MRTFA: variants seen among roughly 807,000 people sequenced by gnomAD.
MRTFA encodes myocardin-related transcription factor A.
MRTFA carries 20 observed loss-of-function variants against 83.5 expected under a neutral mutation model. That is an observed-to-expected ratio of 0.24 (90% CI 0.17 to 0.35). The LOEUF (loss-of-function observed/expected upper bound fraction) is 0.35. Among genes scored for constraint, MRTFA ranks in the 10% least tolerant of loss-of-function variants. The probability of loss-of-function intolerance (pLI) is 1.00; values close to 1 mark genes in which losing one functional copy is unlikely to be tolerated. For missense variants in MRTFA, 1,200 were observed against 1,224.7 expected (o/e 0.98, Z 0.30); for synonymous variants, 659 against 541.2 (o/e 1.22, Z -3.02).
At chr22:40,571,637 A>G (rs1238911862) in intron 2 of MRTFA, among the ~76,000 whole-genome samples, 1 of 152,168 alleles carries the variant, frequency 6.6e-6, no homozygotes, top group Non-Finnish European at 1.5e-5. Flanking sequence ...ACACTTCTCC[A>G]AAGAAAATAT....
intron 2 of MRTFA, among the ~76,000 whole-genome samples, chr22:40,580,440 C>T (rs1211024945): frequency 6.6e-6 from 1 of 152,112 alleles, no homozygotes; most frequent in Non-Finnish European, 1.5e-5. Context: ...CTCAATCGAT[C>T]CTCCCACCTT....
chr22:40,545,601 C>G (rs1202319202), intron 3 of MRTFA, among the ~76,000 whole-genome samples: 1 of 147,330 alleles, frequency 6.8e-6, no homozygotes, highest in African/African-American at 2.5e-5. Flanking sequence ...CCCGGCTAAT[C>G]TTTGTATTTT....
intron 2 of MRTFA, among the ~76,000 whole-genome samples, chr22:40,582,574 A>T (rs536214103): frequency 6.6e-6 from 1 of 151,928 alleles, no homozygotes; most frequent in South Asian, 2.1e-4. Context: ...AAAATTCATC[A>T]ATTTGCTCTT....
chr22:40,563,040 C>T (rs560337074), intron 2 of MRTFA, among the ~76,000 whole-genome samples: 3 of 152,124 alleles, frequency 2.0e-5, no homozygotes, highest in Non-Finnish European at 2.9e-5. Flanking sequence ...CCAAATATTT[C>T]CTCTTCCCCC....
intron 3 of MRTFA, chr22:40,523,289 GAAATAA>G (rs1381844337): frequency 6.6e-6 from 1 of 152,100 alleles, no homozygotes; most frequent in East Asian, 1.9e-4. Flanking sequence ...AGCATCTTGG[GAAATAA>G]AAATAAAATA....
At chr22:40,538,484 T>C (rs2055228419) in intron 3 of MRTFA, among the ~76,000 whole-genome samples, 1 of 150,206 alleles carries the variant, frequency 6.7e-6, no homozygotes, top group African/African-American at 2.5e-5. Context: ...GTTCACTTGT[T>C]TATCTGCTGA....
chr22:40,482,008 C>T (rs1023741277), intron 3 of MRTFA, among the ~76,000 whole-genome samples: 29 of 150,254 alleles, frequency 1.9e-4, no homozygotes, highest in African/African-American at 6.9e-4. Flanking sequence ...TGCAGTGAGC[C>T]GAGATCGCAC....
intron 1 of MRTFA, among the ~76,000 whole-genome samples, chr22:40,600,717 C>T (rs1255201784): frequency 2.0e-5 from 3 of 152,174 alleles, no homozygotes; most frequent in South Asian, 2.1e-4. Flanking sequence ...TGGTGGCTCA[C>T]GCCTGTAATC....
chr22:40,618,232 G>A (rs1297639300), intron 1 of MRTFA, among the ~76,000 whole-genome samples: 9 of 150,392 alleles, frequency 6.0e-5, no homozygotes, highest in Admixed American at 2.6e-4. Flanking sequence ...CCGCCACCAC[G>A]CCTGGCTAAT....
chr22:40,422,151 A>AGAGGCAGAGAG (rs1349868172), intron 9 of MRTFA, among the ~76,000 whole-genome samples: 1 of 151,550 alleles, frequency 6.6e-6, no homozygotes, highest in African/African-American at 2.4e-5. Flanking sequence ...AGGCAGAGGC[A>AGAGGCAGAGAG]GAGGCAGAGA....
At chr22:40,441,889 G>A (rs1451158241) in intron 4 of MRTFA, among the ~76,000 whole-genome samples, 2 of 151,726 alleles carry the variant, frequency 1.3e-5, no homozygotes, top group African/African-American at 2.4e-5. Context: ...AGCAAAGGAG[G>A]AGCTCAGTGC....
At chr22:40,447,812 A>G (rs769005097) in intron 4 of MRTFA, among the ~76,000 whole-genome samples, 10 of 152,232 alleles carry the variant, frequency 6.6e-5, no homozygotes, top group Non-Finnish European at 1.2e-4. Context: ...AATCAACTAC[A>G]GAATGAACAC....
In MRTFA at chr22:40,421,026, C is replaced by T. The variant is rs1417089663; in HGVS notation, c.1002G>A (p.Lys334=). The change falls in exon 10 of 15, where the codon AAG becomes AAA. Residue 334 remains lysine (K), a synonymous_variant. Coordinates refer to ENST00000355630, the MANE Select transcript of MRTFA (RefSeq NM_020831.6). ...GGATGTACTGGTGGTACTTGAGCTTCTTCACCTTTGGCTTCAGCTCCTTGG... is the reference window on the plus strand; with the variant it reads ...GGATGTACTGGTGGTACTTGAGCTTTTTCACCTTTGGCTTCAGCTCCTTGG... 6.3e-7 allele frequency: 1 copy of T among 1,588,160 alleles called. No homozygotes were observed. Among genetic ancestry groups the T allele is most frequent in the Non-Finnish European group, 8.6e-7 (1 of 1,165,142 alleles).
intron 4 of MRTFA, among the ~76,000 whole-genome samples, chr22:40,444,657 G>A (rs928674414): frequency 1.6e-4 from 24 of 152,118 alleles, no homozygotes; most frequent in South Asian, 2.1e-4. Flanking sequence ...TCCTGAGATC[G>A]ACGTGTAGCC....
At chr22:40,578,571 A>T (rs2055900995) in intron 2 of MRTFA, among the ~76,000 whole-genome samples, 1 of 152,116 alleles carries the variant, frequency 6.6e-6, no homozygotes, top group Non-Finnish European at 1.5e-5. Context: ...GTTCAAGACC[A>T]GCATGGGCAA....
chr22:40,549,119 T>C (rs1260877961), intron 3 of MRTFA, among the ~76,000 whole-genome samples: 3 of 152,084 alleles, frequency 2.0e-5, no homozygotes, highest in Non-Finnish European at 2.9e-5. Context: ...GGCTGGAGTG[T>C]AGTGGTGCAA....
Position 40,418,729 on chromosome 22 carries a change from G to A in MRTFA, c.2009C>T (p.Pro670Leu), listed in dbSNP as rs1207877854. 4 of 1,456,766 alleles carry A rather than the reference G, an allele frequency of 2.7e-6. No homozygotes were observed. Among genetic ancestry groups the A allele is most frequent in the Non-Finnish European group, 3.6e-6 (4 of 1,106,922 alleles). The allele number at this position is 1,456,766 out of a possible 1,614,324, so 90.2% of individuals were successfully genotyped here. Residue 670 changes from proline (P) to leucine (L), a missense_variant, in exon 12 of 15, where the codon CCC becomes CTC. Physicochemically the swap from Pro to Leu is moderately conservative, Grantham distance 98. Coordinates refer to ENST00000355630, the MANE Select transcript of MRTFA (RefSeq NM_020831.6). ...CTCCTGCTTCACGGGGGTGCCGAGG[G>A]GGGCGGGGGCGGGGGCGGGCTGCTG...
Position 40,535,362 on chromosome 22 carries a change from TTTTC to T in MRTFA, c.241+16740_241+16743del, listed in dbSNP as rs1486979617. ...AGAGGTTTTTTCTTTTTTTTTTTTT[TTTTC>T]TTTTTGAGACTAGGTCTCACTCTGT... On this transcript the variant is annotated intron_variant, in intron 3 of 14. Coordinates refer to ENST00000355630, the MANE Select transcript of MRTFA (RefSeq NM_020831.6). Among the ~76,000 whole-genome samples the T allele has an allele frequency of 3.0e-4, 41 of 137,400 alleles. 2 individuals are homozygous for T. The highest frequency in any genetic ancestry group is 1.1e-3 in the African/African-American group (37 of 34,978). 90.1% of individuals were successfully genotyped at this position (137,400 alleles called of 152,430 possible). A position where few individuals can be genotyped will look rare whatever the true frequency, so the allele number is the denominator to read the frequency against.
At chr22:40,412,715 G>C (rs908102137) in intron 14 of MRTFA, 4 of 152,134 alleles carry the variant, frequency 2.6e-5, no homozygotes, top group African/African-American at 9.7e-5. Flanking sequence ...AGGGCCAAAT[G>C]GGAAGTTACT....
Sources: allele counts gnomAD v4.1 joint callset (sites outside exome capture counted in the v4.1 genomes callset), GRCh38; gene constraint gnomAD v4.1.1; transcripts MANE v1.5; gene names NCBI Gene and HGNC (gene_info 2026-07-23, HGNC 2026-07-21).